The following UBE2E2 variants were observed in gnomAD, a reference collection of about 807,000 sequenced individuals.
The protein encoded by UBE2E2 is ubiquitin conjugating enzyme E2 E2, also known as ubiquitin-conjugating enzyme E2 E2.
Under a neutral mutation model 24.7 loss-of-function variants are expected in UBE2E2, and 6 were observed. That is an observed-to-expected ratio of 0.24 (90% CI 0.13 to 0.48). UBE2E2 has a LOEUF of 0.48. UBE2E2 is among the 20% of genes least tolerant of loss of function. The probability of loss-of-function intolerance (pLI) is 0.99; values close to 1 mark genes in which losing one functional copy is unlikely to be tolerated. For synonymous variants in UBE2E2, 104 were observed against 83.6 expected, an observed-to-expected ratio of 1.24 and a Z score of -1.33; for missense variants, 169 against 245.0, an observed-to-expected ratio of 0.69 and a Z score of 2.07.
intron 5 of UBE2E2, among the ~76,000 whole-genome samples, chr3:23,557,867 A>G (rs532367979): frequency 2.0e-5 from 3 of 152,178 alleles, no homozygotes; most frequent in East Asian, 1.9e-4. Flanking sequence ...TCCACAAACC[A>G]GGCTTACATA....
intron 3 of UBE2E2, among the ~76,000 whole-genome samples, chr3:23,418,441 C>T (rs1388178260): frequency 1.3e-5 from 2 of 152,166 alleles, no homozygotes; most frequent in Non-Finnish European, 2.9e-5. Flanking sequence ...CACCCACCTT[C>T]CGTGTTGATC....
At chr3:23,309,874 ATGG>A (rs1325248897) in intron 3 of UBE2E2, among the ~76,000 whole-genome samples, 1 of 152,084 alleles carries the variant, frequency 6.6e-6, no homozygotes, top group African/African-American at 2.4e-5. Context: ...CCCTCGTGAC[ATGG>A]TGGTTGGCTT....
At chr3:23,555,998 T>C (rs1277299641) in intron 5 of UBE2E2, among the ~76,000 whole-genome samples, 2 of 152,006 alleles carry the variant, frequency 1.3e-5, no homozygotes, top group Non-Finnish European at 2.9e-5. Flanking sequence ...AATGAGTAGA[T>C]TATAGCTGTC....
At chr3:23,245,846 A>G (rs1697379688) in intron 3 of UBE2E2, among the ~76,000 whole-genome samples, 1 of 152,194 alleles carries the variant, frequency 6.6e-6, no homozygotes, top group South Asian at 2.1e-4. Flanking sequence ...TTGAGTTCAT[A>G]AACTGTGTTT....
chr3:23,354,419 A>G (rs1237544446), intron 3 of UBE2E2, among the ~76,000 whole-genome samples: 1 of 152,226 alleles, frequency 6.6e-6, no homozygotes, highest in Non-Finnish European at 1.5e-5. Flanking sequence ...GCACAGCAAA[A>G]GAAACTACCA....
At chr3:23,489,988 G>A (rs1357350737) in intron 3 of UBE2E2, among the ~76,000 whole-genome samples, 1 of 152,040 alleles carries the variant, frequency 6.6e-6, no homozygotes, top group Admixed American at 6.6e-5. Flanking sequence ...GGAAAGGAAG[G>A]TATAGTGGAA....
intron 3 of UBE2E2, among the ~76,000 whole-genome samples, chr3:23,477,681 G>C (rs17081034): frequency 1.3e-5 from 2 of 152,178 alleles, no homozygotes; most frequent in African/African-American, 2.4e-5. Flanking sequence ...GGATTTCTCC[G>C]TGTTACTGAA....
intron 3 of UBE2E2, among the ~76,000 whole-genome samples, chr3:23,242,862 G>A (rs1183709733): frequency 1.3e-5 from 2 of 152,036 alleles, no homozygotes; most frequent in Non-Finnish European, 2.9e-5. Flanking sequence ...GAGGCGGGAG[G>A]ATCACCTGAG....
At chr3:23,485,337 C>A (rs954600207) in intron 3 of UBE2E2, among the ~76,000 whole-genome samples, 1 of 152,072 alleles carries the variant, frequency 6.6e-6, no homozygotes, top group African/African-American at 2.4e-5. Flanking sequence ...GTCAAGTGAT[C>A]CACCCACCTC....
chr3:23,515,268 T>C (rs1252124520), intron 4 of UBE2E2, among the ~76,000 whole-genome samples: 1 of 152,088 alleles, frequency 6.6e-6, no homozygotes, highest in Admixed American at 6.5e-5. Context: ...ATTTTTTTAA[T>C]AAGTTGAAAA....
intron 3 of UBE2E2, among the ~76,000 whole-genome samples, chr3:23,467,473 A>AT (rs1698945349): frequency 6.6e-6 from 1 of 152,204 alleles, no homozygotes; most frequent in South Asian, 2.1e-4. Context: ...CTTTGAGCAA[A>AT]TTGGCGCCTG....
At chr3:23,375,466 A>C (rs1696497864) in intron 3 of UBE2E2, among the ~76,000 whole-genome samples, 1 of 152,204 alleles carries the variant, frequency 6.6e-6, no homozygotes, top group Non-Finnish European at 1.5e-5. Flanking sequence ...CCTCATCCTC[A>C]ATGAATTTAT....
At chr3:23,432,273 A>G (rs2125401347) in intron 3 of UBE2E2, among the ~76,000 whole-genome samples, 1 of 152,272 alleles carries the variant, frequency 6.6e-6, no homozygotes, top group South Asian at 2.1e-4. Context: ...TGGTTAATGC[A>G]TTAAGATTGT....
At chr3:23,332,718 T>TGTGTGCGCGC (rs1491331498) in intron 3 of UBE2E2, among the ~76,000 whole-genome samples, 1 of 148,260 alleles carries the variant, frequency 6.7e-6, no homozygotes, top group African/African-American at 2.5e-5. Context: ...TGTGTGTGTG[T>TGTGTGCGCGC]GCAGCTATGG....
intron 5 of UBE2E2, among the ~76,000 whole-genome samples, chr3:23,555,168 C>T (rs1424739190): frequency 5.9e-5 from 9 of 152,216 alleles, no homozygotes; most frequent in Middle Eastern, 3.4e-3. Context: ...CCACCCGCCT[C>T]GGCCTCAAAG....
chr3:23,424,597 G>A (rs1286828713), intron 3 of UBE2E2, among the ~76,000 whole-genome samples: 1 of 152,066 alleles, frequency 6.6e-6, no homozygotes, highest in African/African-American at 2.4e-5. Context: ...AAGGTCCTCT[G>A]CTCCAGGCAT....
intron 3 of UBE2E2, among the ~76,000 whole-genome samples, chr3:23,229,272 A>T (rs1041120322): frequency 1.3e-5 from 2 of 152,170 alleles, no homozygotes; most frequent in African/African-American, 4.8e-5. Context: ...TTGAGGTGAC[A>T]GTAGTTTTAT....
At chr3:23,432,708 T>G (rs1379465170) in intron 3 of UBE2E2, among the ~76,000 whole-genome samples, 3 of 151,990 alleles carry the variant, frequency 2.0e-5, no homozygotes, top group South Asian at 2.1e-4. Flanking sequence ...ATTTATTTAA[T>G]TGAACTTTTG....
intron 3 of UBE2E2, among the ~76,000 whole-genome samples, chr3:23,318,700 G>A (rs1019067583): frequency 3.3e-5 from 5 of 152,018 alleles, no homozygotes; most frequent in Admixed American, 6.6e-5. Flanking sequence ...TCACTACCAC[G>A]AGAACAGTAT....
Sources: gnomAD v4.1 joint callset for allele counts (sites outside exome capture counted in the v4.1 genomes callset) on GRCh38, gnomAD v4.1.1 for gene constraint, MANE v1.5 for transcripts, NCBI Gene and HGNC (gene_info 2026-07-23, HGNC 2026-07-21) for gene names.